GRK5: variants seen among roughly 807,000 people sequenced by gnomAD.
GRK5 encodes the protein g protein-coupled receptor kinase GRK5.
In GRK5, 40 loss-of-function variants were observed where a neutral mutation model predicts 78.4. The observed-to-expected ratio is 0.51, with a 90% CI of 0.40 to 0.66. GRK5 has a LOEUF of 0.66. Ranked by LOEUF, GRK5 falls within the 30% of genes least tolerant of loss-of-function variation. GRK5 has a pLI of 0.00. For missense variants in GRK5, 598 were observed against 759.9 expected (o/e 0.79, Z 2.50); for synonymous variants, 289 against 296.8 (o/e 0.97, Z 0.27).
chr10:119,275,613 G>GCACACACACACACACACACA (rs796867686), intron 1 of GRK5, among the ~76,000 whole-genome samples: 6 of 120,678 alleles, frequency 5.0e-5, no homozygotes, highest in African/African-American at 1.8e-4. Flanking sequence ...TCTCTCTCTC[G>GCACACACACACACACACACA]CACACACACA....
chr10:119,224,122 A>G (rs74955557), intron 1 of GRK5, among the ~76,000 whole-genome samples: 3,125 of 152,264 alleles, frequency 0.021, 75 homozygotes, highest in South Asian at 0.062. Context: ...ACTCCAGTGA[A>G]TAGCCACTGC....
intron 1 of GRK5, among the ~76,000 whole-genome samples, chr10:119,220,092 T>C (rs1383263000): frequency 6.6e-6 from 1 of 152,192 alleles, no homozygotes; most frequent in Non-Finnish European, 1.5e-5. Context: ...GGAAAACGTA[T>C]GTTAACTTGG....
At chr10:119,212,387 G>T (rs2133696740) in intron 1 of GRK5, among the ~76,000 whole-genome samples, 1 of 152,266 alleles carries the variant, frequency 6.6e-6, no homozygotes, top group East Asian at 1.9e-4. Context: ...GACTCTTCCA[G>T]TGCCCAAACT....
At chr10:119,248,738 T>C (rs1205288798) in intron 1 of GRK5, among the ~76,000 whole-genome samples, 2 of 152,192 alleles carry the variant, frequency 1.3e-5, no homozygotes, top group Non-Finnish European at 2.9e-5. Context: ...TCCTAATATA[T>C]GAAAACGGTG....
intron 1 of GRK5, among the ~76,000 whole-genome samples, chr10:119,298,180 C>T (rs1470292725): frequency 1.3e-5 from 2 of 152,186 alleles, no homozygotes; most frequent in Admixed American, 1.3e-4. Flanking sequence ...ATGCAGCTCT[C>T]TGAGGTCAGT....
intron 4 of GRK5, among the ~76,000 whole-genome samples, chr10:119,417,179 G>T (rs1852474007): frequency 6.6e-6 from 1 of 152,212 alleles, no homozygotes; most frequent in Admixed American, 6.5e-5. Flanking sequence ...TGCCACTGAG[G>T]GTGGGTGTCT....
chr10:119,392,867 C>G (rs1851907691), intron 3 of GRK5, among the ~76,000 whole-genome samples: 1 of 152,242 alleles, frequency 6.6e-6, no homozygotes, highest in South Asian at 2.1e-4. Flanking sequence ...TCATTGGCTG[C>G]TATTTCCCAA....
chr10:119,327,715 G>A (rs1242606838), intron 2 of GRK5, among the ~76,000 whole-genome samples: 1 of 152,162 alleles, frequency 6.6e-6, no homozygotes, highest in Non-Finnish European at 1.5e-5. Context: ...CTCCGTCCTG[G>A]CCCTGGGCCA....
chr10:119,449,152 C>T lies in GRK5; in HGVS notation c.1404+892C>T, dbSNP rs1434866491. On this transcript the variant is annotated intron_variant, in intron 13 of 15. Coordinates refer to ENST00000392870, the MANE Select transcript of GRK5 (RefSeq NM_005308.3). ...TCATGTGCACCTCTCTTCCCAATTC[C>T]GTGTCCAATGGCTTTGCGTCGGTAG... is the stretch of plus-strand genomic sequence containing the variant. Among the ~76,000 whole-genome samples, 9 of 151,942 alleles carry T rather than the reference C, an allele frequency of 5.9e-5. 1 individual carries two copies. The South Asian group carries it at 1.7e-3, about 28-fold the overall frequency.
Position 119,207,901 on chromosome 10 carries a change from C to G in GRK5, c.-17C>G. 6.3e-7 allele frequency: 1 copy of G among 1,594,210 alleles called. No individual in the cohort carries two copies. Among genetic ancestry groups the G allele is most frequent in the South Asian group, 1.1e-5 (1 of 88,526 alleles). On this transcript the variant is annotated 5_prime_UTR_variant, in exon 1 of 16. Coordinates refer to ENST00000392870, the MANE Select transcript of GRK5 (RefSeq NM_005308.3). ...ACAGCCCCGCCGGCCGGCTCCGTTG[C>G]TGACCGCCGACTGTCAATGGAGCTG...
rs950051452 is a variant in GRK5, at chr10:119,351,797, A to G, written c.148+25186A>G. Among the ~76,000 whole-genome samples, 3 of 152,230 alleles carry G rather than the reference A, an allele frequency of 2.0e-5. No individual in the cohort carries two copies. The East Asian group carries it at 5.8e-4, about 29-fold the overall frequency. ...GTCCTTGGGAACCCTGGATAATGGT[A>G]GTGTCAGATGGTAGTCCCAACTGAC... On this transcript the variant is annotated intron_variant, in intron 2 of 15. Transcript: ENST00000392870.
chr10:119,309,800 G>T (rs1850330398), intron 1 of GRK5, among the ~76,000 whole-genome samples: 1 of 152,164 alleles, frequency 6.6e-6, no homozygotes, highest in African/African-American at 2.4e-5. Flanking sequence ...CCCAGCTCTT[G>T]CCTGTCCCTT....
At chr10:119,425,810 A>G (rs1295574735) in intron 6 of GRK5, among the ~76,000 whole-genome samples, 2 of 152,256 alleles carry the variant, frequency 1.3e-5, no homozygotes, top group Non-Finnish European at 2.9e-5. Flanking sequence ...GTACTCGCCC[A>G]TGCGTGGCTG....
At chr10:119,226,919 C>T (rs80136899) in intron 1 of GRK5, among the ~76,000 whole-genome samples, 3,195 of 151,982 alleles carry the variant, frequency 0.021, 75 homozygotes, top group South Asian at 0.062. Flanking sequence ...AGTGCAGTGG[C>T]GTGATCTTGG....
intron 1 of GRK5, among the ~76,000 whole-genome samples, chr10:119,265,515 C>G (rs1008672442): frequency 2.0e-5 from 3 of 152,190 alleles, no homozygotes; most frequent in South Asian, 2.1e-4. Flanking sequence ...AGAGCTCGCT[C>G]TCTCTACCAC....
chr10:119,414,367 G>A (rs530789855), intron 4 of GRK5, among the ~76,000 whole-genome samples: 1 of 152,286 alleles, frequency 6.6e-6, no homozygotes, highest in East Asian at 1.9e-4. Flanking sequence ...AGCATATGTT[G>A]GACGTTAGCG....
intron 1 of GRK5, among the ~76,000 whole-genome samples, chr10:119,249,513 T>C (rs967985766): frequency 6.6e-6 from 1 of 151,936 alleles, no homozygotes; most frequent in African/African-American, 2.4e-5. Context: ...ATTTTACTTA[T>C]TTGAGATGGA....
chr10:119,426,578 A>C (rs957818511), intron 6 of GRK5, among the ~76,000 whole-genome samples: 6 of 152,216 alleles, frequency 3.9e-5, no homozygotes, highest in African/African-American at 1.4e-4. Context: ...TAAGATAAGC[A>C]CAACACCTGC....
At chr10:119,403,292 G>C (rs1252083486) in intron 4 of GRK5, among the ~76,000 whole-genome samples, 2 of 151,530 alleles carry the variant, frequency 1.3e-5, no homozygotes, top group Non-Finnish European at 2.9e-5. Flanking sequence ...TCAGCCTCCC[G>C]AGTAGCTGGG....
Sources: gnomAD v4.1 joint callset for allele counts (sites outside exome capture counted in the v4.1 genomes callset) on GRCh38, gnomAD v4.1.1 for gene constraint, MANE v1.5 for transcripts, NCBI Gene and HGNC (gene_info 2026-07-23, HGNC 2026-07-21) for gene names.